The following HCLS1 variants were observed in gnomAD, a reference collection of about 807,000 sequenced individuals.
HCLS1 encodes the protein hematopoietic cell-specific Lyn substrate 1.
In HCLS1, 44 loss-of-function variants were observed where a neutral mutation model predicts 68.6. The observed-to-expected ratio is 0.64, with a 90% CI of 0.50 to 0.82. HCLS1 has a LOEUF of 0.82. HCLS1 is among the 40% of genes least tolerant of loss of function. The pLI, the probability that HCLS1 is intolerant of heterozygous loss-of-function variation, is 0.00. For missense variants in HCLS1, 602 were observed against 612.1 expected, an observed-to-expected ratio of 0.98 and a Z score of 0.17; for synonymous variants, 217 against 225.8, an observed-to-expected ratio of 0.96 and a Z score of 0.35.
At chr3:121,639,660 CACATT>C (rs2049179983) in intron 6 of HCLS1, among the ~76,000 whole-genome samples, 1 of 152,070 alleles carries the variant, frequency 6.6e-6, no homozygotes, top group East Asian at 1.9e-4. Flanking sequence ...GTGATCCTCC[CACATT>C]AGTCCCCTGA....
At position 121,634,330 on chromosome 3, in the gene HCLS1, C is replaced by T. The variant is rs749137005; in HGVS notation, c.780G>A (p.Gln260=). Residue 260 remains glutamine (Q), a synonymous_variant, in exon 10 of 14, where the codon CAG becomes CAA. Coordinates refer to ENST00000314583, the MANE Select transcript of HCLS1 (RefSeq NM_005335.6). ...RKREEEEKAQ[Q]VARRQQERKA... ...TTCGCTCCTGTTGCCTCCTGGCCAC[C>T]TGCTGTGCCTTCTCCTCTTCCTCTC... The T allele has an allele frequency of 6.2e-7, 1 of 1,614,166 alleles. No individual in the cohort carries two copies. The highest frequency in any genetic ancestry group is 1.1e-5 in the South Asian group (1 of 91,078).
At position 121,631,951 on chromosome 3, in the gene HCLS1, G is replaced by A. The variant is rs373474739; in HGVS notation, c.1356C>T (p.Asp452=). Residue 452 remains aspartate, a synonymous_variant, in exon 14 of 14, where the codon GAC becomes GAT. Transcript: ENST00000314583. ...EGSDELSFDP[D]DVITDIEMVD... ...CCATCTCAATGTCAGTGATTACGTC[G>A]TCCGGATCAAAGGAAAGCTCATCAC... The A allele has an allele frequency of 1.1e-4, 179 of 1,614,162 alleles. No individual in the cohort carries two copies. The highest frequency in any genetic ancestry group is 4.8e-4 in the African/African-American group (36 of 75,034).
chr3:121,635,764 G>A lies in HCLS1; in HGVS notation c.662C>T (p.Ala221Val), dbSNP rs1217062943. The part of the protein sequence containing the change: ...GFNEMEAPTT[A>V]YKKTTPIEAA... Reference sequence around the variant, plus strand: ...TTCTATGGGCGTCGTCTTCTTATAAGCTGTGGTCGGGGCCTCCATTTCATT... The same window carrying A: ...TTCTATGGGCGTCGTCTTCTTATAAACTGTGGTCGGGGCCTCCATTTCATT... Residue 221 changes from alanine (A) to valine (V), a missense_variant, in exon 9 of 14, where the codon GCT becomes GTT. Coordinates refer to ENST00000314583, the MANE Select transcript of HCLS1 (RefSeq NM_005335.6). The A allele has an allele frequency of 6.2e-7, 1 of 1,614,102 alleles. No individual in the cohort carries two copies.
At chr3:121,644,107 G>C (rs770107699) in intron 5 of HCLS1, 1 of 153,230 alleles carries the variant, frequency 6.5e-6, no homozygotes, top group Non-Finnish European at 1.5e-5. Context: ...AAAAATCTCA[G>C]CTAACTGTGA....
intron 13 of HCLS1, 22 bp downstream of exon 13, chr3:121,632,079 C>G (rs374456259): frequency 1.2e-6 from 2 of 1,613,710 alleles, no homozygotes; most frequent in African/African-American, 2.7e-5. Context: ...GTACCAGGCT[C>G]CTCGGGCCAC....
chr3:121,632,570 A>T lies in HCLS1; in HGVS notation c.1009-7T>A. 3.7e-6 allele frequency: 6 copies of T among 1,609,422 alleles called. No individual in the cohort carries two copies. The highest frequency in any genetic ancestry group is 5.1e-6 in the Non-Finnish European group (6 of 1,178,884). ...CTGGGGGCTCCTCATTGTCCTGAGA[A>T]GAGACAGTGTGGAGCACTGTGACTT... On this transcript the variant is annotated splice_region_variant and splice_polypyrimidine_tract_variant and intron_variant, in intron 11 of 13. Transcript: ENST00000314583.
intron 3 of HCLS1, among the ~76,000 whole-genome samples, chr3:121,652,863 T>C (rs1937779336): frequency 6.6e-6 from 1 of 152,194 alleles, no homozygotes; most frequent in Admixed American, 6.5e-5. Context: ...AATTTGCATT[T>C]CATTTCAACA....
At chr3:121,648,554 G>C (rs1435768910) in intron 3 of HCLS1, among the ~76,000 whole-genome samples, 2 of 152,102 alleles carry the variant, frequency 1.3e-5, no homozygotes, top group African/African-American at 4.8e-5. Flanking sequence ...GAGGGTTTAG[G>C]GTATTAAGAT....
At chr3:121,639,015 A>ACACACACG (rs2049174216) in intron 6 of HCLS1, among the ~76,000 whole-genome samples, 1 of 131,064 alleles carries the variant, frequency 7.6e-6, no homozygotes, top group Admixed American at 7.6e-5. Context: ...ACTCCAACAC[A>ACACACACG]CACACACACG....
intron 8 of HCLS1, among the ~76,000 whole-genome samples, 162 bp downstream of exon 8, chr3:121,636,272 T>G (rs2049150524): frequency 6.6e-6 from 1 of 152,232 alleles, no homozygotes; most frequent in African/African-American, 2.4e-5. Flanking sequence ...GCCCCTTAGA[T>G]GCTGAGGGCA....
chr3:121,656,560 A>G (rs1358720673), intron 3 of HCLS1, among the ~76,000 whole-genome samples: 1 of 147,262 alleles, frequency 6.8e-6, no homozygotes, highest in Non-Finnish European at 1.5e-5. Flanking sequence ...ATCTTCTGGT[A>G]TCGGAGGGTT....
intron 10 of HCLS1, 50 bp downstream of exon 10, chr3:121,634,157 T>C (rs900848967): frequency 6.2e-7 from 1 of 1,611,372 alleles, no homozygotes; most frequent in African/African-American, 1.3e-5. Flanking sequence ...CTTAGGCTCC[T>C]GTCTGGGCAA....
rs549153501 is a variant in HCLS1, at chr3:121,646,563, T to TGTA, written c.288+755_288+756insTAC. On this transcript the variant is annotated intron_variant, in intron 4 of 13. Coordinates refer to ENST00000314583, the MANE Select transcript of HCLS1 (RefSeq NM_005335.6). Reference sequence around the variant, plus strand: ...AGTATATATTATATATATTAATATATATTTATTACATATATTAATATATAT... The same window carrying TGTA: ...AGTATATATTATATATATTAATATATGTAATTTATTACATATATTAATATATAT... 3.5e-4 allele frequency among the ~76,000 whole-genome samples: 39 copies of TGTA among 110,198 alleles called. 1 individual carries two copies. The South Asian group carries it at 9.6e-3, about 27-fold the overall frequency. 72.3% of individuals were successfully genotyped at this position (110,198 alleles called of 152,430 possible).
intron 11 of HCLS1, among the ~76,000 whole-genome samples, 181 bp downstream of exon 11, chr3:121,632,886 C>A (rs1048457253): frequency 1.3e-5 from 2 of 152,182 alleles, no homozygotes; most frequent in African/African-American, 4.8e-5. Flanking sequence ...GCTACCACAG[C>A]TAGGATAATC....
chr3:121,648,672 G>A (rs1488449703), intron 3 of HCLS1, among the ~76,000 whole-genome samples: 1 of 152,190 alleles, frequency 6.6e-6, no homozygotes, highest in African/African-American at 2.4e-5. Context: ...TTTTAAGGAA[G>A]AATAGATCCA....
At position 121,657,368 on chromosome 3, in the gene HCLS1, C is replaced by G; in HGVS notation, c.85-16G>C. ...AGATGTCATTCTGCAAACGACAGCA[C>G]GCAGTAATACATGACGGCAAGAAAT... On this transcript the variant is annotated splice_polypyrimidine_tract_variant and intron_variant, in intron 2 of 13. Coordinates refer to ENST00000314583, the MANE Select transcript of HCLS1 (RefSeq NM_005335.6). 1.2e-6 allele frequency: 2 copies of G among 1,613,464 alleles called. No individual in the cohort carries two copies. Among genetic ancestry groups the G allele is most frequent in the South Asian group, 1.1e-5 (1 of 91,062 alleles).
intron 10 of HCLS1, 147 bp downstream of exon 10, chr3:121,634,060 G>C (rs2049125769): frequency 7.2e-7 from 1 of 1,390,900 alleles, no homozygotes. Flanking sequence ...ATTACAGTCA[G>C]ACTGAAGTCT....
intron 9 of HCLS1, among the ~76,000 whole-genome samples, chr3:121,634,719 C>T (rs2049132947): frequency 6.6e-6 from 1 of 152,046 alleles, no homozygotes; most frequent in Admixed American, 6.5e-5. Flanking sequence ...GCAGCCTCAA[C>T]CTCCCAGGCT....
In HCLS1 at chr3:121,632,510, C is replaced by T. The variant is rs777007155; in HGVS notation, c.1062G>A (p.Val354=). Residue 354 remains valine, a synonymous_variant, in exon 12 of 14, where the codon GTG becomes GTA. Transcript: ENST00000314583. ...LPPRTLEGLQ[V]EEEPVYEAEP... ...CTGCTTCGTACACTGGCTCTTCCTC[C>T]ACCTGGAGGCCTTCCAGAGTCCTAG... is the stretch of plus-strand genomic sequence containing the variant. 2 of 1,611,648 alleles carry T rather than the reference C, an allele frequency of 1.2e-6. No individual in the cohort carries two copies. The highest frequency in any genetic ancestry group is 4.5e-5 in the East Asian group (2 of 44,806).
Sources: allele counts gnomAD v4.1 joint callset (sites outside exome capture counted in the v4.1 genomes callset), GRCh38; gene constraint gnomAD v4.1.1; transcripts MANE v1.5; gene names NCBI Gene and HGNC (gene_info 2026-07-23, HGNC 2026-07-21).